The following PLCB4 variants were observed in gnomAD, a reference collection of about 807,000 sequenced individuals.
The protein encoded by PLCB4 is phospholipase C beta 4, also known as 1-phosphatidylinositol 4,5-bisphosphate phosphodiesterase beta-4.
PLCB4 carries 77 observed loss-of-function variants against 178.8 expected under a neutral mutation model. The ratio of observed to expected loss-of-function variants is 0.43; its 90% CI spans 0.36 to 0.52. The LOEUF is 0.52. PLCB4 is among the 20% of genes least tolerant of loss of function. The pLI is 0.00. For missense variants in PLCB4, 1,024 were observed against 1,453.4 expected (o/e 0.70, Z 4.80); for synonymous variants, 496 against 490.8 (o/e 1.01, Z -0.14).
chr20:9,108,990 A>G (rs974231566), intron 2 of PLCB4, among the ~76,000 whole-genome samples: 1 of 151,680 alleles, frequency 6.6e-6, no homozygotes, highest in African/African-American at 2.4e-5. Flanking sequence ...TGCCTGGTAA[A>G]CTTTATTGAG....
intron 7 of PLCB4, among the ~76,000 whole-genome samples, chr20:9,360,152 G>A (rs1056879202): frequency 6.6e-6 from 1 of 152,160 alleles, no homozygotes; most frequent in Non-Finnish European, 1.5e-5. Flanking sequence ...CTTAGGCAAG[G>A]CCATTGACCT....
chr20:9,115,397 T>C (rs575292979), intron 2 of PLCB4, among the ~76,000 whole-genome samples: 73 of 151,874 alleles, frequency 4.8e-4, no homozygotes, highest in African/African-American at 1.5e-3. Context: ...CTCTACACTA[T>C]AGTGCTTTAT....
At chr20:9,165,793 T>G (rs369197198) in intron 2 of PLCB4, among the ~76,000 whole-genome samples, 4 of 139,646 alleles carry the variant, frequency 2.9e-5, no homozygotes, top group Admixed American at 7.1e-5. Context: ...CTGGGGCTGT[T>G]TGTGTGTGTG....
chr20:9,414,542 G>A (rs2040106466), intron 25 of PLCB4, among the ~76,000 whole-genome samples: 1 of 152,184 alleles, frequency 6.6e-6, no homozygotes, highest in Non-Finnish European at 1.5e-5. Context: ...TGCCCTTTAG[G>A]CCTGTGGAGG....
intron 13 of PLCB4, among the ~76,000 whole-genome samples, chr20:9,381,198 A>G (rs769304747): frequency 7.2e-5 from 11 of 152,174 alleles, no homozygotes; most frequent in Non-Finnish European, 1.3e-4. Context: ...CACATTGCTT[A>G]TGATTACAGC....
intron 3 of PLCB4, among the ~76,000 whole-genome samples, chr20:9,240,980 A>T (rs954821178): frequency 6.6e-6 from 1 of 152,168 alleles, no homozygotes; most frequent in South Asian, 2.1e-4. Context: ...CAGAAATCCT[A>T]TCTAATACAT....
chr20:9,435,980 C>T lies in PLCB4; in HGVS notation c.2613+332C>T, dbSNP rs6056621. On this transcript the variant is annotated intron_variant, in intron 29 of 39. Coordinates refer to ENST00000378473, the MANE Select transcript of PLCB4 (RefSeq NM_001377142.1). ...TTTCTAATCAGAAAAATGCAACATC[C>T]GAAAAGTTCCAAAATTCAAAACCTT... 6.5e-3 allele frequency among the ~76,000 whole-genome samples: 989 copies of T among 151,610 alleles called. 13 individuals carry two copies. Among genetic ancestry groups the T allele is most frequent in the African/African-American group, 0.023 (924 of 40,970 alleles).
chr20:9,350,040 T>A (rs879679021), intron 7 of PLCB4, among the ~76,000 whole-genome samples: 4 of 152,142 alleles, frequency 2.6e-5, no homozygotes, highest in Non-Finnish European at 5.9e-5. Flanking sequence ...ATGATCATAA[T>A]CTGGGGTCGG....
chr20:9,132,775 T>C lies in PLCB4; in HGVS notation c.-79+36433T>C, dbSNP rs537586285. On this transcript the variant is annotated intron_variant, in intron 2 of 39. Transcript: ENST00000378473. ...CAAATTTCTGACTTATTTCTGCCTA[T>C]ACAATAGCTCCTCACTGCCTCTAGG... is the stretch of plus-strand genomic sequence containing the variant. Among the ~76,000 whole-genome samples, 5 of 152,308 alleles carry C rather than the reference T, an allele frequency of 3.3e-5. No homozygotes were observed. The South Asian group carries it at 8.3e-4, about 25-fold the overall frequency.
intron 2 of PLCB4, among the ~76,000 whole-genome samples, chr20:9,200,865 C>A (rs1229228888): frequency 6.6e-6 from 1 of 152,148 alleles, no homozygotes; most frequent in Non-Finnish European, 1.5e-5. Context: ...CCTCCCCTCC[C>A]CCCAGCTTGC....
At chr20:9,398,689 G>GTATTATTATTATTAT (rs11469240) in intron 19 of PLCB4, among the ~76,000 whole-genome samples, 3,768 of 150,254 alleles carry the variant, frequency 0.025, 172 homozygotes, top group African/African-American at 0.086. Flanking sequence ...GATGAAATGG[G>GTATTATTATTATTAT]TATTATTATT....
In PLCB4 at chr20:9,333,260, C is replaced by G. The variant is rs565109642; in HGVS notation, c.85-3866C>G. On this transcript the variant is annotated intron_variant, in intron 4 of 39. Coordinates refer to ENST00000378473, the MANE Select transcript of PLCB4 (RefSeq NM_001377142.1). ...AAACAAGACTGCTTCAAGGACTCTGCCCTCTTGGAGGTTGTTGCATTCTGG... is the reference window on the plus strand; with the variant it reads ...AAACAAGACTGCTTCAAGGACTCTGGCCTCTTGGAGGTTGTTGCATTCTGG... Among the ~76,000 whole-genome samples, 9 of 152,258 alleles carry G rather than the reference C, an allele frequency of 5.9e-5. No individual in the cohort carries two copies. In the South Asian group the frequency reaches 1.9e-3, roughly 32 times the overall value.
At position 9,455,478 on chromosome 20, in the gene PLCB4, A is replaced by G. The variant is rs553225922; in HGVS notation, c.2997-1936A>G. 6.6e-5 allele frequency among the ~76,000 whole-genome samples: 10 copies of G among 152,318 alleles called. No homozygotes were observed. In the South Asian group the frequency reaches 2.1e-3, roughly 32 times the overall value. On this transcript the variant is annotated intron_variant, in intron 33 of 39. Transcript: ENST00000378473. The stretch of plus-strand genomic sequence containing the variant: ...TTACCTCATGATTGTTTTTACTCTC[A>G]AAGATAATGTGGGATCAAAATGTAA...
intron 3 of PLCB4, among the ~76,000 whole-genome samples, chr20:9,245,335 G>A (rs1209259429): frequency 6.6e-6 from 1 of 152,052 alleles, no homozygotes; most frequent in Admixed American, 6.6e-5. Context: ...AAGGTGTTTG[G>A]GGGTAGGCCA....
chr20:9,378,085 C>G (rs1290983218), intron 12 of PLCB4, among the ~76,000 whole-genome samples: 1 of 152,106 alleles, frequency 6.6e-6, no homozygotes, highest in African/African-American at 2.4e-5. Flanking sequence ...TCAGAATAAA[C>G]ACATGTATGT....
intron 1 of PLCB4, among the ~76,000 whole-genome samples, chr20:9,085,348 A>C (rs1310027562): frequency 6.6e-6 from 1 of 152,138 alleles, no homozygotes; most frequent in African/African-American, 2.4e-5. Context: ...TGAGCTATTT[A>C]GTTCTTTCAA....
chr20:9,444,263 C>CTATA lies in PLCB4; in HGVS notation c.2880+23_2880+24insATAT. 6.8e-7 allele frequency: 1 copy of CTATA among 1,462,082 alleles called. No homozygotes were observed. The highest frequency in any genetic ancestry group is 1.4e-5 in the African/African-American group (1 of 71,118). The allele number at this position is 1,462,082 out of a possible 1,614,324, so 90.6% of individuals were successfully genotyped here. A position where few individuals can be genotyped will look rare whatever the true frequency, so the allele number is the denominator to read the frequency against. ...GCAAAGGTACAGTGCTCTACAGCTACTATTTTGTGTTATGTATGGATGAAT... is the reference window on the plus strand; with the variant it reads ...GCAAAGGTACAGTGCTCTACAGCTACTATATATTTTGTGTTATGTATGGATGAAT... On this transcript the variant is annotated intron_variant, in intron 32 of 39. Transcript: ENST00000378473.
intron 9 of PLCB4, among the ~76,000 whole-genome samples, chr20:9,366,316 G>A (rs2035777107): frequency 6.6e-6 from 1 of 150,846 alleles, no homozygotes. Context: ...AGAATGGCAT[G>A]GAACCTGGAG....
At chr20:9,324,870 C>G (rs1294804658) in intron 4 of PLCB4, among the ~76,000 whole-genome samples, 1 of 152,022 alleles carries the variant, frequency 6.6e-6, no homozygotes, top group Non-Finnish European at 1.5e-5. Context: ...AAAAAAAAAG[C>G]ATTTTCAAAA....
Sources: allele counts gnomAD v4.1 joint callset (sites outside exome capture counted in the v4.1 genomes callset), GRCh38; gene constraint gnomAD v4.1.1; transcripts MANE v1.5; gene names NCBI Gene and HGNC (gene_info 2026-07-23, HGNC 2026-07-21).